Variants in MAPKAPK5 observed in about 807,000 individuals in gnomAD.
MAPKAPK5 encodes MAP kinase-activated protein kinase 5.
A neutral mutation model predicts 65.1 loss-of-function variants in MAPKAPK5; 30 were observed. That is an observed-to-expected ratio of 0.46 (90% CI 0.34 to 0.63). The LOEUF is 0.63. Ranked by LOEUF, MAPKAPK5 falls within the 20% of genes least tolerant of loss-of-function variation. The pLI is 0.01. For missense variants in MAPKAPK5, 433 were observed against 581.4 expected, an observed-to-expected ratio of 0.74 and a Z score of 2.63; for synonymous variants, 179 against 204.6, an observed-to-expected ratio of 0.87 and a Z score of 1.07.
At chr12:111,847,441 C>T (rs958973078) in intron 1 of MAPKAPK5, among the ~76,000 whole-genome samples, 1 of 152,000 alleles carries the variant, frequency 6.6e-6, no homozygotes, top group African/African-American at 2.4e-5. Context: ...ATCTCTAGTC[C>T]CATAGCCCCA....
intron 1 of MAPKAPK5, among the ~76,000 whole-genome samples, chr12:111,860,338 C>G (rs1372330651): frequency 1.3e-5 from 2 of 152,174 alleles, no homozygotes; most frequent in African/African-American, 4.8e-5. Context: ...TTCAGTTTTT[C>G]CTGGTTCTCT....
rs764742177 is a variant in MAPKAPK5, at chr12:111,900,797, C to T, written c.*7736C>T. On this transcript the variant is annotated 3_prime_UTR_variant, in exon 14 of 14. Transcript: ENST00000550735. ...GCAATGGTACATCTGCATTATGCCC[C>T]AACAACAGGCATAAGCAAGATGGCT... 4 of 456,064 alleles carry T rather than the reference C, an allele frequency of 8.8e-6. No homozygotes were observed. The highest frequency in any genetic ancestry group is 6.2e-5 in the South Asian group (4 of 64,566). The allele number at this position is 456,064 out of a possible 1,614,324, so 28.3% of individuals were successfully genotyped here.
In MAPKAPK5 at chr12:111,842,783, G is replaced by GC; in HGVS notation, c.36+19dup. ...AAAGCCATCAAGGTAAGGGGGAGGT[G>GC]CCCCCTCTTCCCCCGCGTTGTCCTG... On this transcript the variant is annotated intron_variant, in intron 1 of 13. Coordinates refer to ENST00000550735, the MANE Select transcript of MAPKAPK5 (RefSeq NM_003668.4). The GC allele has an allele frequency of 7.6e-7, 1 of 1,320,318 alleles. No individual in the cohort carries two copies. Among genetic ancestry groups the GC allele is most frequent in the Non-Finnish European group, 9.7e-7 (1 of 1,026,066 alleles). The allele number at this position is 1,320,318 out of a possible 1,614,324, so 81.8% of individuals were successfully genotyped here. A position where few individuals can be genotyped will look rare whatever the true frequency, so the allele number is the denominator to read the frequency against.
chr12:111,851,893 G>A (rs1448106896), intron 1 of MAPKAPK5, among the ~76,000 whole-genome samples: 1 of 152,194 alleles, frequency 6.6e-6, no homozygotes, highest in African/African-American at 2.4e-5. Flanking sequence ...CAAAAAAGGT[G>A]AAGGGTGAAG....
At chr12:111,886,465 G>C (rs1649910971) in intron 10 of MAPKAPK5, among the ~76,000 whole-genome samples, 1 of 152,222 alleles carries the variant, frequency 6.6e-6, no homozygotes, top group Non-Finnish European at 1.5e-5. Flanking sequence ...CATCTTTGAA[G>C]GGATGTAATT....
intron 1 of MAPKAPK5, among the ~76,000 whole-genome samples, chr12:111,846,178 C>A (rs1309544923): frequency 6.6e-6 from 1 of 152,158 alleles, no homozygotes; most frequent in Non-Finnish European, 1.5e-5. Flanking sequence ...TGGAAGCAAG[C>A]CAGCATTACA....
At chr12:111,887,906 GATC>G (rs2070465027) in intron 10 of MAPKAPK5, 1 of 152,816 alleles carries the variant, frequency 6.5e-6, no homozygotes, top group South Asian at 2.1e-4. Context: ...ACAAAAATGG[GATC>G]ATATTCCTAT....
Position 111,899,412 on chromosome 12 carries a change from A to G in MAPKAPK5, c.*6351A>G, listed in dbSNP as rs1272434613. The stretch of plus-strand genomic sequence containing the variant: ...GGGGCTAGTACCAGGACCTTCATGT[A>G]TCAGGTTAGAGATTTTGATGCTTTT... On this transcript the variant is annotated 3_prime_UTR_variant, in exon 14 of 14. Transcript: ENST00000550735. 1 of 155,812 alleles carries G rather than the reference A, an allele frequency of 6.4e-6. No individual in the cohort carries two copies. Among genetic ancestry groups the G allele is most frequent in the Non-Finnish European group, 1.4e-5 (1 of 70,212 alleles). The allele number at this position is 155,812 out of a possible 1,614,324, so 9.7% of individuals were successfully genotyped here. A position where few individuals can be genotyped will look rare whatever the true frequency, so the allele number is the denominator to read the frequency against.
chr12:111,866,703 G>A lies in MAPKAPK5; in HGVS notation c.186+472G>A, dbSNP rs578229640. Among the ~76,000 whole-genome samples, 68 of 152,222 alleles carry A rather than the reference G, an allele frequency of 4.5e-4. 1 individual carries two copies. In the South Asian group the frequency reaches 0.013, roughly 28 times the overall value. ...CGGCTTACGGCAACCTCCGCCTCCC[G>A]GGTTCAAGTGATTCTCCTGCCTCAG... On this transcript the variant is annotated intron_variant, in intron 3 of 13. Coordinates refer to ENST00000550735, the MANE Select transcript of MAPKAPK5 (RefSeq NM_003668.4).
At chr12:111,848,194 C>G (rs1239670368) in intron 1 of MAPKAPK5, among the ~76,000 whole-genome samples, 1 of 152,162 alleles carries the variant, frequency 6.6e-6, no homozygotes, top group Non-Finnish European at 1.5e-5. Context: ...TTATACATTC[C>G]CACTGGCAGT....
rs753814471 is a variant in MAPKAPK5, at chr12:111,900,787, C to T, written c.*7726C>T. On this transcript the variant is annotated 3_prime_UTR_variant, in exon 14 of 14. Transcript: ENST00000550735. The stretch of plus-strand genomic sequence containing the variant: ...CCAGAATTTTGCAATGGTACATCTG[C>T]ATTATGCCCCAACAACAGGCATAAG... 161 of 455,990 alleles carry T rather than the reference C, an allele frequency of 3.5e-4. No homozygotes were observed. Among genetic ancestry groups the T allele is most frequent in the Middle Eastern group, 1.9e-3 (6 of 3,092 alleles). 28.2% of individuals were successfully genotyped at this position (455,990 alleles called of 1,614,324 possible). A position where few individuals can be genotyped will look rare whatever the true frequency, so the allele number is the denominator to read the frequency against.
chr12:111,900,472 GCTGCAGCTCTGACTA>G lies in MAPKAPK5; in HGVS notation c.*7414_*7428del. ...ATCACAAAAGAAAGTGGCTTCAGCA[GCTGCAGCTCTGACTA>G]CTTCTACCAGTTCCTTCGAGAACAC... On this transcript the variant is annotated 3_prime_UTR_variant, in exon 14 of 14. Coordinates refer to ENST00000550735, the MANE Select transcript of MAPKAPK5 (RefSeq NM_003668.4). 2.2e-6 allele frequency: 1 copy of G among 456,126 alleles called. No individual in the cohort carries two copies. Among genetic ancestry groups the G allele is most frequent in the South Asian group, 1.5e-5 (1 of 64,570 alleles). The allele number at this position is 456,126 out of a possible 1,614,324, so 28.3% of individuals were successfully genotyped here.
At chr12:111,863,254 T>G (rs1439564783) in intron 1 of MAPKAPK5, among the ~76,000 whole-genome samples, 2 of 152,198 alleles carry the variant, frequency 1.3e-5, no homozygotes, top group East Asian at 3.8e-4. Flanking sequence ...TATAGCGATC[T>G]TTTGGGTCCT....
Position 111,888,163 on chromosome 12 carries a change from G to A in MAPKAPK5, c.970-325G>A, listed in dbSNP as rs548508080. On this transcript the variant is annotated intron_variant, in intron 10 of 13. Transcript: ENST00000550735. ...TGGGCAGCAGCCTGCCAGCCTTTCC[G>A]CTGATGTCCATATGTGCCTCTTTAC... 112 of 255,730 alleles carry A rather than the reference G, an allele frequency of 4.4e-4. 1 individual carries two copies. The South Asian group carries it at 5.3e-3, about 12-fold the overall frequency. The allele number at this position is 255,730 out of a possible 1,614,324, so 15.8% of individuals were successfully genotyped here.
chr12:111,880,573 T>A, intron 8 of MAPKAPK5, 46 bp downstream of exon 8: 1 of 1,529,874 alleles, frequency 6.5e-7, no homozygotes, highest in Non-Finnish European at 9.1e-7. Context: ...GCAGCCCCTC[T>A]CCTTTAGTGA....
chr12:111,866,545 CAAGG>C (rs2069619120), intron 3 of MAPKAPK5, among the ~76,000 whole-genome samples: 1 of 152,224 alleles, frequency 6.6e-6, no homozygotes, highest in East Asian at 1.9e-4. Flanking sequence ...TAAAATAGCA[CAAGG>C]AAGAGTCAGG....
At chr12:111,858,799 CT>C (rs2069332646) in intron 1 of MAPKAPK5, among the ~76,000 whole-genome samples, 1 of 147,136 alleles carries the variant, frequency 6.8e-6, no homozygotes, top group African/African-American at 2.5e-5. Flanking sequence ...CCTTGGCCTC[CT>C]AAAGTGCTGG....
Position 111,847,843 on chromosome 12 carries a change from C to T in MAPKAPK5, c.36+5074C>T, listed in dbSNP as rs137980021. ...ATTTGCTTTGTCACTATAGTTTTTGCCTTCTCCAGAAATTATTTCCTTAAT... is the reference window on the plus strand; with the variant it reads ...ATTTGCTTTGTCACTATAGTTTTTGTCTTCTCCAGAAATTATTTCCTTAAT... On this transcript the variant is annotated intron_variant, in intron 1 of 13. Transcript: ENST00000550735. Among the ~76,000 whole-genome samples the T allele has an allele frequency of 8.5e-3, 1,295 of 152,270 alleles. 16 individuals carry two copies. Among genetic ancestry groups the T allele is most frequent in the African/African-American group, 0.03 (1,229 of 41,550 alleles).
At chr12:111,857,633 A>G (rs1269343896) in intron 1 of MAPKAPK5, among the ~76,000 whole-genome samples, 1 of 152,204 alleles carries the variant, frequency 6.6e-6, no homozygotes, top group Non-Finnish European at 1.5e-5. Context: ...CAAGTCTACT[A>G]GCAGTGAATT....
Sources: allele counts gnomAD v4.1 joint callset (sites outside exome capture counted in the v4.1 genomes callset), GRCh38; gene constraint gnomAD v4.1.1; transcripts MANE v1.5; gene names NCBI Gene and HGNC (gene_info 2026-07-23, HGNC 2026-07-21).